Variants in WIF1 observed in about 807,000 individuals in gnomAD.
The protein encoded by WIF1 is Wnt inhibitory factor 1.
A neutral mutation model predicts 53.5 loss-of-function variants in WIF1; 35 were observed. That is an observed-to-expected ratio of 0.65 (90% CI 0.50 to 0.87). The LOEUF (loss-of-function observed/expected upper bound fraction) is 0.87, where lower values mean the gene tolerates loss of function less well. Ranked by LOEUF, WIF1 falls within the 40% of genes least tolerant of loss-of-function variation. WIF1 has a pLI of 0.00. For synonymous variants in WIF1, 171 were observed against 170.4 expected (o/e 1.00, Z -0.03); for missense variants, 467 against 476.8 (o/e 0.98, Z 0.19).
At chr12:65,084,339 G>A (rs972475447) in intron 2 of WIF1, among the ~76,000 whole-genome samples, 1 of 152,164 alleles carries the variant, frequency 6.6e-6, no homozygotes. Context: ...GCTTATGGAT[G>A]GGATAAGGCC....
intron 2 of WIF1, among the ~76,000 whole-genome samples, chr12:65,119,162 A>T (rs1883557864): frequency 6.6e-6 from 1 of 152,242 alleles, no homozygotes; most frequent in Admixed American, 6.5e-5. Flanking sequence ...ATTTCACAAT[A>T]TTCCCAACTT....
intron 2 of WIF1, among the ~76,000 whole-genome samples, chr12:65,107,628 A>C (rs539925131): frequency 2.8e-4 from 42 of 152,336 alleles, no homozygotes; most frequent in Non-Finnish European, 5.4e-4. Flanking sequence ...TAAAAAATTA[A>C]AAGTTAAACA....
At chr12:65,111,136 G>T (rs891381872) in intron 2 of WIF1, among the ~76,000 whole-genome samples, 2 of 152,092 alleles carry the variant, frequency 1.3e-5, no homozygotes, top group Admixed American at 1.3e-4. Context: ...AGAAAATGAG[G>T]CACTCCTTGT....
At chr12:65,104,767 G>A (rs1313790282) in intron 2 of WIF1, among the ~76,000 whole-genome samples, 1 of 152,048 alleles carries the variant, frequency 6.6e-6, no homozygotes, top group Non-Finnish European at 1.5e-5. Flanking sequence ...AAGGTTTACA[G>A]GCAAAAATAT....
chr12:65,079,565 GT>G (rs1229994337), intron 2 of WIF1, among the ~76,000 whole-genome samples: 1 of 149,690 alleles, frequency 6.7e-6, no homozygotes, highest in Non-Finnish European at 1.5e-5. Context: ...GGCAGAGGTT[GT>G]CATGAGCTGA....
chr12:65,059,844 G>C (rs1412303698), intron 7 of WIF1, among the ~76,000 whole-genome samples: 2 of 152,070 alleles, frequency 1.3e-5, no homozygotes, highest in African/African-American at 4.8e-5. Flanking sequence ...TAGAGATGAG[G>C]GTTTGCCATG....
At chr12:65,119,241 T>C (rs1698611598) in intron 2 of WIF1, among the ~76,000 whole-genome samples, 1 of 152,294 alleles carries the variant, frequency 6.6e-6, no homozygotes. Flanking sequence ...TATAGAGCAA[T>C]GGAAACCTCG....
Position 65,066,728 on chromosome 12 carries a change from T to C in WIF1, c.643A>G (p.Thr215Ala). The change falls in exon 6 of 10, where the codon ACC (threonine) becomes GCC (alanine). Residue 215 changes from threonine to alanine, a missense_variant. Physicochemically the swap from Thr to Ala is moderately conservative, Grantham distance 58. Coordinates refer to ENST00000286574, the MANE Select transcript of WIF1 (RefSeq NM_007191.5). ...HGPHCEKALC[T>A]PRCMNGGLCV... is the part of the protein sequence containing the mutation. ...AGTCCACCATTCATACATCGTGGGG[T>C]ACAAAGGGCTTATAGGGAGAGAGAA... 5 of 1,604,678 alleles carry C rather than the reference T, an allele frequency of 3.1e-6. No homozygotes were observed. The highest frequency in any genetic ancestry group is 3.4e-6 in the Non-Finnish European group (4 of 1,175,420).
chr12:65,108,741 A>G (rs1883386917), intron 2 of WIF1, among the ~76,000 whole-genome samples: 1 of 152,052 alleles, frequency 6.6e-6, no homozygotes, highest in South Asian at 2.1e-4. Context: ...ATCTACCTCC[A>G]TCCGTCACCA....
At chr12:65,077,942 AG>A (rs1565753279) in intron 2 of WIF1, 88 bp from the exon 3 acceptor site, 1 of 1,007,176 alleles carries the variant, frequency 9.9e-7, no homozygotes, top group East Asian at 2.5e-5. Context: ...GATGGGGCAG[AG>A]ATAATTTTCA....
At chr12:65,070,153 T>C (rs1469990952) in intron 3 of WIF1, among the ~76,000 whole-genome samples, 1 of 152,160 alleles carries the variant, frequency 6.6e-6, no homozygotes, top group Non-Finnish European at 1.5e-5. Context: ...TCATACAATT[T>C]CTCAATGTGC....
At chr12:65,113,634 C>T (rs530514795) in intron 2 of WIF1, among the ~76,000 whole-genome samples, 1 of 151,966 alleles carries the variant, frequency 6.6e-6, no homozygotes, top group South Asian at 2.1e-4. Flanking sequence ...GTTTGAGAAA[C>T]TTACTGCTGT....
intron 2 of WIF1, among the ~76,000 whole-genome samples, chr12:65,092,436 G>GTATATA (rs556700481): frequency 6.4e-4 from 95 of 149,422 alleles, no homozygotes; most frequent in African/African-American, 2.2e-3. Flanking sequence ...ATATATATGT[G>GTATATA]TATATATATA....
intron 9 of WIF1, 86 bp from the exon 10 acceptor site, chr12:65,051,556 T>C: frequency 2.1e-6 from 3 of 1,415,876 alleles, no homozygotes; most frequent in East Asian, 2.6e-5. Context: ...ATGAAATCCA[T>C]TTTTGCCTTT....
intron 2 of WIF1, among the ~76,000 whole-genome samples, chr12:65,113,112 G>C (rs1188734244): frequency 6.6e-6 from 1 of 152,224 alleles, no homozygotes; most frequent in East Asian, 1.9e-4. Flanking sequence ...GAGAAAGGCT[G>C]CACGGGAGAA....
At chr12:65,079,591 A>G (rs937666549) in intron 2 of WIF1, among the ~76,000 whole-genome samples, 29 of 149,496 alleles carry the variant, frequency 1.9e-4, no homozygotes, top group African/African-American at 7.2e-4. Context: ...ATGCCACTGC[A>G]CTCCAGACTG....
At chr12:65,076,285 C>T (rs868501832) in intron 3 of WIF1, among the ~76,000 whole-genome samples, 1 of 152,002 alleles carries the variant, frequency 6.6e-6, no homozygotes, top group African/African-American at 2.4e-5. Flanking sequence ...AATCCTCCCC[C>T]CTCGGCCCCC....
intron 2 of WIF1, among the ~76,000 whole-genome samples, chr12:65,106,886 T>A (rs1460132428): frequency 6.6e-6 from 1 of 152,198 alleles, no homozygotes; most frequent in African/African-American, 2.4e-5. Context: ...CTGCCGAAAT[T>A]TGAGCAATTA....
intron 2 of WIF1, among the ~76,000 whole-genome samples, chr12:65,108,407 A>G (rs1346725950): frequency 2.0e-5 from 3 of 152,110 alleles, no homozygotes; most frequent in South Asian, 2.1e-4. Flanking sequence ...ATTTTTTTCA[A>G]TTGTCTACCA....
Sources: gnomAD v4.1 joint callset for allele counts (sites outside exome capture counted in the v4.1 genomes callset) on GRCh38, gnomAD v4.1.1 for gene constraint, MANE v1.5 for transcripts, NCBI Gene and HGNC (gene_info 2026-07-23, HGNC 2026-07-21) for gene names.